SUMF2: variants seen among roughly 807,000 people sequenced by gnomAD.
SUMF2 encodes sulfatase modifying factor 2.
Under a neutral mutation model 44.8 loss-of-function variants are expected in SUMF2, and 45 were observed. The observed-to-expected ratio is 1.00, with a 90% CI of 0.79 to 1.29. The LOEUF is 1.29. Among genes scored for constraint, SUMF2 ranks in the 50% most tolerant of loss-of-function variants. The pLI is 0.00. For synonymous variants in SUMF2, 148 were observed against 150.4 expected, an observed-to-expected ratio of 0.98 and a Z score of 0.12; for missense variants, 418 against 389.9, an observed-to-expected ratio of 1.07 and a Z score of -0.61.
In SUMF2 at chr7:56,064,323, T is replaced by TG. The variant is rs1172636207; in HGVS notation, c.15dup (p.Leu6ValfsTer24). The TG allele has an allele frequency of 4.4e-6, 7 of 1,597,540 alleles. No individual in the cohort carries two copies. Among genetic ancestry groups the TG allele is most frequent in the Middle Eastern group, 1.7e-4 (1 of 6,010 alleles). ...GCGCGGCAGTCCTGATGGCCCGGCA[T>TG]GGGTTACCGCTGCTGCCCCTGCTGT... On this transcript the variant is annotated frameshift_variant, in exon 1 of 9. Transcript: ENST00000434526. LOFTEE classifies it high-confidence loss of function.
At chr7:56,087,817 C>T in the SUMF2 span, 33 of 1,548,348 alleles carry the variant, frequency 2.1e-5, no homozygotes, top group East Asian at 5.4e-4. Flanking sequence ...GGGCCCCTCA[C>T]CCCATGGGGG....
intron 1 of SUMF2, 68 bp from the exon 2 acceptor site, chr7:56,068,414 G>A: frequency 1.4e-6 from 2 of 1,419,696 alleles, no homozygotes; most frequent in Non-Finnish European, 1.9e-6. Context: ...TATTGCATAT[G>A]ATCCAAATAT....
At chr7:56,087,227 A>G in the SUMF2 span, among the ~76,000 whole-genome samples, 28 of 147,644 alleles carry the variant, frequency 1.9e-4, no homozygotes, top group Admixed American at 1.8e-3. Context: ...TATTATTATT[A>G]TTATTATTAT....
rs576181764 is a variant in SUMF2, at chr7:56,078,704, G to A, written c.821+196G>A. On this transcript the variant is annotated intron_variant, in intron 8 of 8. Transcript: ENST00000434526. The stretch of plus-strand genomic sequence containing the variant: ...CAGCACTTGCTATGAAAAGCAAAGG[G>A]ACCCAGGACACCTTGTGACTCTCCT... Among the ~76,000 whole-genome samples, 7 of 152,232 alleles carry A rather than the reference G, an allele frequency of 4.6e-5. No individual in the cohort carries two copies. In the South Asian group the frequency reaches 8.3e-4, roughly 18 times the overall value.
At chr7:56,086,208 C>A in the SUMF2 span, among the ~76,000 whole-genome samples, 1 of 151,726 alleles carries the variant, frequency 6.6e-6, no homozygotes, top group East Asian at 1.9e-4. Context: ...TACAGTCATC[C>A]CTCTTTATCT....
Position 56,079,922 on chromosome 7 carries a change from A to G in SUMF2, c.*310A>G. On this transcript the variant is annotated 3_prime_UTR_variant, in exon 9 of 9. Coordinates refer to ENST00000434526, the MANE Select transcript of SUMF2 (RefSeq NM_015411.4). ...TTGGAACAGAGCACTCTGAAAGGCCATTTTTTAAGCATTTTAAAATCTATT... is the reference window on the plus strand; with the variant it reads ...TTGGAACAGAGCACTCTGAAAGGCCGTTTTTTAAGCATTTTAAAATCTATT... The G allele has an allele frequency of 1.4e-6, 2 of 1,413,368 alleles. No homozygotes were observed. The highest frequency in any genetic ancestry group is 9.5e-7 in the Non-Finnish European group (1 of 1,057,458). 87.6% of individuals were successfully genotyped at this position (1,413,368 alleles called of 1,614,324 possible).
downstream of SUMF2, chr7:56,084,332 G>C (rs1796157177): frequency 5.5e-6 from 4 of 732,516 alleles, no homozygotes; most frequent in South Asian, 6.4e-5. Context: ...CACTGGCCCA[G>C]GACCCCAGAC....
At chr7:56,076,211 A>G (rs1795538018) in intron 5 of SUMF2, among the ~76,000 whole-genome samples, 1 of 152,136 alleles carries the variant, frequency 6.6e-6, no homozygotes, top group African/African-American at 2.4e-5. Flanking sequence ...TATTTTTAGT[A>G]GAGACGGGGT....
At chr7:56,068,771 T>C in intron 2 of SUMF2, 133 bp downstream of exon 2, 2 of 1,031,184 alleles carry the variant, frequency 1.9e-6, no homozygotes, top group South Asian at 1.6e-5. Context: ...TGGCGCAATC[T>C]CGCTCACTGC....
chr7:56,072,651 A>G (rs1795254461), intron 2 of SUMF2, among the ~76,000 whole-genome samples: 1 of 151,878 alleles, frequency 6.6e-6, no homozygotes. Context: ...TGAAACCGGG[A>G]GGCGGAGCTT....
intron 6 of SUMF2, 142 bp downstream of exon 6, chr7:56,077,031 GGGTCATAA>G: frequency 1.6e-6 from 1 of 626,138 alleles, no homozygotes; most frequent in South Asian, 2.9e-5. Flanking sequence ...AAAAGACAAT[GGGTCATAA>G]GTGCTTTCTT....
At chr7:56,065,632 T>C (rs1421095079) in intron 1 of SUMF2, among the ~76,000 whole-genome samples, 1 of 152,026 alleles carries the variant, frequency 6.6e-6, no homozygotes, top group Non-Finnish European at 1.5e-5. Flanking sequence ...GGGGGCAAGG[T>C]CTCGACGTGT....
intron 5 of SUMF2, 32 bp downstream of exon 5, chr7:56,074,768 T>G (rs771630507): frequency 6.2e-7 from 1 of 1,613,262 alleles, no homozygotes; most frequent in South Asian, 1.1e-5. Flanking sequence ...TTTCCTTTAT[T>G]CTTCTCCCCA....
intron 2 of SUMF2, 53 bp from the exon 3 acceptor site, chr7:56,072,943 AT>A: frequency 7.5e-7 from 1 of 1,340,832 alleles, no homozygotes; most frequent in Non-Finnish European, 1.1e-6. Context: ...GCAGGAGAAG[AT>A]GGGGTGGGCA....
intron 3 of SUMF2, chr7:56,073,777 G>A (rs1248465560): frequency 9.9e-6 from 2 of 202,986 alleles, no homozygotes; most frequent in Non-Finnish European, 1.0e-5. Flanking sequence ...TTGGGAGGCC[G>A]AGGTGGGACA....
chr7:56,085,762 C>T, the SUMF2 span, among the ~76,000 whole-genome samples: 14 of 151,772 alleles, frequency 9.2e-5, no homozygotes, highest in African/African-American at 2.9e-4. Context: ...GTCAGGAGTT[C>T]GAGACCAGAC....
At chr7:56,074,313 C>T in intron 4 of SUMF2, 95 bp downstream of exon 4, 1 of 1,341,294 alleles carries the variant, frequency 7.5e-7, no homozygotes, top group Non-Finnish European at 1.1e-6. Flanking sequence ...TCCAGGAACA[C>T]TGAGTTTCAA....
At chr7:56,087,562 G>C in the SUMF2 span, 7 of 1,592,438 alleles carry the variant, frequency 4.4e-6, no homozygotes, top group Non-Finnish European at 6.0e-6. Context: ...AATCACAGGG[G>C]GGCACCCTGC....
intron 5 of SUMF2, among the ~76,000 whole-genome samples, chr7:56,076,118 C>T (rs928277284): frequency 6.6e-6 from 1 of 151,954 alleles, no homozygotes; most frequent in Non-Finnish European, 1.5e-5. Context: ...GCTCCGCCTC[C>T]CGGGTTCACG....
Sources: allele counts gnomAD v4.1 joint callset (sites outside exome capture counted in the v4.1 genomes callset), GRCh38; gene constraint gnomAD v4.1.1; transcripts MANE v1.5; gene names NCBI Gene and HGNC (gene_info 2026-07-23, HGNC 2026-07-21).